The following NPAS3 variants were observed in gnomAD, a reference collection of about 807,000 sequenced individuals.
The protein encoded by NPAS3 is neuronal PAS domain-containing protein 3.
Under a neutral mutation model 73.1 loss-of-function variants are expected in NPAS3, and 14 were observed. The ratio of observed to expected loss-of-function variants is 0.19; its 90% confidence interval spans 0.13 to 0.30. The LOEUF is 0.30. Ranked by LOEUF, NPAS3 falls within the 10% of genes least tolerant of loss-of-function variation. NPAS3 has a pLI of 1.00. For synonymous variants in NPAS3, 620 were observed against 541.5 expected, an observed-to-expected ratio of 1.14 and a Z score of -2.01; for missense variants, 1,096 against 1,250.0, an observed-to-expected ratio of 0.88 and a Z score of 1.86.
chr14:33,047,668 T>C (rs2040556466), intron 1 of NPAS3, among the ~76,000 whole-genome samples: 3 of 152,234 alleles, frequency 2.0e-5, no homozygotes, highest in Admixed American at 2.0e-4. Context: ...AATGCTGAGC[T>C]TTCTTAAGCA....
At chr14:33,270,680 G>A (rs1187316569) in intron 3 of NPAS3, among the ~76,000 whole-genome samples, 3 of 152,186 alleles carry the variant, frequency 2.0e-5, no homozygotes, top group Admixed American at 6.5e-5. Flanking sequence ...CTGGAAGATC[G>A]TAATTAAAGA....
intron 1 of NPAS3, among the ~76,000 whole-genome samples, chr14:33,016,105 AC>A (rs2039383020): frequency 6.6e-6 from 1 of 152,328 alleles, no homozygotes; most frequent in Non-Finnish European, 1.5e-5. Context: ...GCCCTAAAAA[AC>A]AATCTCTCAA....
intron 2 of NPAS3, among the ~76,000 whole-genome samples, chr14:33,128,613 T>A (rs2043520411): frequency 6.6e-6 from 1 of 152,174 alleles, no homozygotes; most frequent in South Asian, 2.1e-4. Context: ...TTAAAAAACT[T>A]CATTGTATTC....
chr14:33,328,552 T>C (rs529709074), intron 3 of NPAS3, among the ~76,000 whole-genome samples: 6 of 144,760 alleles, frequency 4.1e-5, no homozygotes, highest in Non-Finnish European at 9.1e-5. Flanking sequence ...CTGCAACCTC[T>C]GCCTTCCTGG....
chr14:33,514,060 G>A (rs1012182248), intron 4 of NPAS3, among the ~76,000 whole-genome samples: 2 of 152,042 alleles, frequency 1.3e-5, no homozygotes, highest in Non-Finnish European at 2.9e-5. Flanking sequence ...AGTGAAATGA[G>A]TTTGGTGGTC....
At chr14:33,417,791 A>G (rs2048210032) in intron 4 of NPAS3, among the ~76,000 whole-genome samples, 1 of 151,962 alleles carries the variant, frequency 6.6e-6, no homozygotes, top group South Asian at 2.1e-4. Context: ...TCACTGAAAT[A>G]AAAAGGAGCA....
intron 2 of NPAS3, among the ~76,000 whole-genome samples, chr14:33,161,513 G>C (rs1487619475): frequency 6.6e-6 from 1 of 152,112 alleles, no homozygotes; most frequent in Non-Finnish European, 1.5e-5. Flanking sequence ...AGAAAACAAG[G>C]GTGAAGAATG....
intron 5 of NPAS3, among the ~76,000 whole-genome samples, chr14:33,637,520 A>G (rs770221895): frequency 4.6e-5 from 7 of 152,184 alleles, no homozygotes; most frequent in African/African-American, 1.7e-4. Context: ...TAGATTATAC[A>G]TCGTTCAGGA....
intron 2 of NPAS3, among the ~76,000 whole-genome samples, chr14:33,147,935 A>G (rs1005975401): frequency 6.6e-6 from 1 of 152,026 alleles, no homozygotes; most frequent in Non-Finnish European, 1.5e-5. Context: ...TTGTACATAC[A>G]CACATTAAAT....
chr14:33,619,651 C>T (rs960200109), intron 5 of NPAS3, among the ~76,000 whole-genome samples: 1 of 152,156 alleles, frequency 6.6e-6, no homozygotes, highest in African/African-American at 2.4e-5. Flanking sequence ...CATTATGTAG[C>T]TTGCAATGAT....
At chr14:33,112,920 G>A (rs1445545555) in intron 2 of NPAS3, among the ~76,000 whole-genome samples, 3 of 152,168 alleles carry the variant, frequency 2.0e-5, no homozygotes, top group African/African-American at 7.2e-5. Context: ...TTATTAAATA[G>A]GGAATCCTTT....
At chr14:33,102,623 T>C (rs2042609148) in intron 2 of NPAS3, among the ~76,000 whole-genome samples, 1 of 152,122 alleles carries the variant, frequency 6.6e-6, no homozygotes, top group South Asian at 2.1e-4. Flanking sequence ...GACAACATCA[T>C]GAGACCCCTG....
chr14:33,085,186 A>G (rs941790444), intron 2 of NPAS3, among the ~76,000 whole-genome samples: 4 of 152,196 alleles, frequency 2.6e-5, no homozygotes, highest in Non-Finnish European at 4.4e-5. Context: ...AGTTCTTTCC[A>G]GTGATGAAGG....
At chr14:33,754,705 C>A (rs191585121) in intron 7 of NPAS3, among the ~76,000 whole-genome samples, 1 of 152,172 alleles carries the variant, frequency 6.6e-6, no homozygotes, top group East Asian at 1.9e-4. Context: ...TCCCCAAGAA[C>A]AAATACCACA....
chr14:33,668,541 C>T (rs566893113), intron 5 of NPAS3, among the ~76,000 whole-genome samples: 14 of 152,232 alleles, frequency 9.2e-5, no homozygotes, highest in South Asian at 2.1e-4. Flanking sequence ...GCTGGGCTGG[C>T]GAGGTGGCGC....
intron 1 of NPAS3, among the ~76,000 whole-genome samples, chr14:32,971,128 A>G (rs371933276): frequency 1.4e-5 from 2 of 145,312 alleles, no homozygotes; most frequent in South Asian, 2.2e-4. Context: ...TGTGTCGCCC[A>G]TGCTGGAGGG....
At chr14:33,359,779 T>C (rs1480763078) in intron 3 of NPAS3, among the ~76,000 whole-genome samples, 2 of 152,214 alleles carry the variant, frequency 1.3e-5, no homozygotes, top group East Asian at 3.8e-4. Context: ...TATGTTCTCT[T>C]TGTCCCTCCC....
At chr14:33,095,542 A>G (rs2042377409) in intron 2 of NPAS3, among the ~76,000 whole-genome samples, 1 of 151,756 alleles carries the variant, frequency 6.6e-6, no homozygotes, top group Non-Finnish European at 1.5e-5. Flanking sequence ...ACTTCATGGT[A>G]TTCTTGGTGA....
intron 7 of NPAS3, among the ~76,000 whole-genome samples, chr14:33,749,027 G>A (rs2061884168): frequency 6.6e-6 from 1 of 152,144 alleles, no homozygotes; most frequent in South Asian, 2.1e-4. Flanking sequence ...AAGAGGTCTG[G>A]GAAGGATTTT....
Sources: gnomAD v4.1 joint callset for allele counts (sites outside exome capture counted in the v4.1 genomes callset) on GRCh38, gnomAD v4.1.1 for gene constraint, MANE v1.5 for transcripts, NCBI Gene and HGNC (gene_info 2026-07-23, HGNC 2026-07-21) for gene names.